The following CLPS variants were observed in gnomAD, a reference collection of about 807,000 sequenced individuals.
CLPS encodes the protein colipase, pancreatic.
A neutral mutation model predicts 9.3 loss-of-function variants in CLPS; 8 were observed. That is an observed-to-expected ratio of 0.86 (90% CI 0.51 to 1.56). The LOEUF is 1.56. Among genes scored for constraint, CLPS ranks in the 40% most tolerant of loss-of-function variants. The pLI is 0.00. For missense variants in CLPS, 144 were observed against 145.7 expected (o/e 0.99, Z 0.06); for synonymous variants, 61 against 56.2 (o/e 1.09, Z -0.39).
rs1768318876 is a variant in CLPS, at chr6:35,795,032, T to C, written c.*114A>G. On this transcript the variant is annotated 3_prime_UTR_variant, in exon 3 of 3. Transcript: ENST00000259938. Reference sequence around the variant, plus strand: ...GTGAAGAGCGCAATCAGAAAACAGATATGCTGGTCAAGGAGGTGGCCAGCC... The same window carrying C: ...GTGAAGAGCGCAATCAGAAAACAGACATGCTGGTCAAGGAGGTGGCCAGCC... 7.1e-7 allele frequency: 1 copy of C among 1,402,960 alleles called. No homozygotes were observed. Among genetic ancestry groups the C allele is most frequent in the Non-Finnish European group, 9.7e-7 (1 of 1,033,264 alleles). 86.9% of individuals were successfully genotyped at this position (1,402,960 alleles called of 1,614,324 possible).
intron 2 of CLPS, 111 bp downstream of exon 2, chr6:35,795,620 T>C: frequency 6.6e-7 from 1 of 1,518,662 alleles, no homozygotes; most frequent in Non-Finnish European, 8.9e-7. Context: ...CTCCCTCTCG[T>C]CTCCTCAACA....
At position 35,795,652 on chromosome 6, in the gene CLPS, C is replaced by T. The variant is rs879186147; in HGVS notation, c.207+79G>A. On this transcript the variant is annotated intron_variant, in intron 2 of 2. Transcript: ENST00000259938. ...AACATTCAGTGTCCAGGCTGACCCC[C>T]CTCCCTGATCCCACTCACAAGTGTT... 1.6e-5 allele frequency: 26 copies of T among 1,578,136 alleles called. No individual in the cohort carries two copies. The South Asian group carries it at 1.7e-4, about 10-fold the overall frequency.
Position 35,795,116 on chromosome 6 carries a change from T to C in CLPS, c.*30A>G. 6.2e-7 allele frequency: 1 copy of C among 1,609,584 alleles called. No homozygotes were observed. The highest frequency in any genetic ancestry group is 1.3e-5 in the African/African-American group (1 of 75,024). On this transcript the variant is annotated 3_prime_UTR_variant, in exon 3 of 3. Coordinates refer to ENST00000259938, the MANE Select transcript of CLPS (RefSeq NM_001832.4). The stretch of plus-strand genomic sequence containing the variant: ...CTGCGCCTAGTGGCCTACAGCATTC[T>C]GGGCTAGGTGTGGGAGTGGGTGGGC...
At position 35,797,279 on chromosome 6, in the gene CLPS, T is replaced by A; in HGVS notation, c.10A>T (p.Ile4Phe). Residue 4 changes from isoleucine (I) to phenylalanine (F), a missense_variant, in exon 1 of 3, where the codon ATC becomes TTC. By Grantham distance (21) the Ile-to-Phe change is conservative. Transcript: ENST00000259938. MEKILILLLVALSV... is the reference protein window; with the variant it reads MEKFLILLLVALSV... ...AGGGCGACAAGCAGGAGGATCAGGA[T>A]CTTCTCCATGGTGAGTGGGACAGCT... The A allele has an allele frequency of 6.2e-7, 1 of 1,613,834 alleles. No homozygotes were observed. The highest frequency in any genetic ancestry group is 8.5e-7 in the Non-Finnish European group (1 of 1,179,894).
rs1320580173 is a variant in CLPS at position 35,795,286 on chromosome 6, A to G, written c.208-9T>C. 1 of 1,613,442 alleles carries G rather than the reference A, an allele frequency of 6.2e-7. No individual in the cohort carries two copies. Among genetic ancestry groups the G allele is most frequent in the Admixed American group, 1.7e-5 (1 of 59,948 alleles). ...TAAATCCCATAGAGCGTCTGCAGAG[A>G]CACAGCCAATGGAGTCAAGGCTATG... On this transcript the variant is annotated splice_polypyrimidine_tract_variant and intron_variant, in intron 2 of 2. Transcript: ENST00000259938.
Position 35,795,208 on chromosome 6 carries a change from C to G in CLPS, c.277G>C (p.Val93Leu). ...GLTCEGDKTI[V>L]GSITNTNFGI... is the part of the protein sequence containing the mutation. ...AAGTTGGTGTTGGTGATGGAGCCCACGATGGTCTTGTCTCCCTCACAGGTC... is the reference window on the plus strand; with the variant it reads ...AAGTTGGTGTTGGTGATGGAGCCCAGGATGGTCTTGTCTCCCTCACAGGTC... Residue 93 changes from valine to leucine, a missense_variant, in exon 3 of 3, where the codon GTG becomes CTG. By Grantham distance (32) the Val-to-Leu change is conservative. Transcript: ENST00000259938. 6.2e-7 allele frequency: 1 copy of G among 1,614,238 alleles called. No homozygotes were observed.
In CLPS at chr6:35,795,861, G is replaced by T. The variant is rs199645253; in HGVS notation, c.85-8C>A. ...GCAGAGCTCACCGTTCTCCTGCCAG[G>T]AGCAGCCAGTCAGCCCAGGCCCCAC... On this transcript the variant is annotated splice_polypyrimidine_tract_variant and splice_region_variant and intron_variant, in intron 1 of 2. Coordinates refer to ENST00000259938, the MANE Select transcript of CLPS (RefSeq NM_001832.4). 7.4e-6 allele frequency: 12 copies of T among 1,611,784 alleles called. No individual in the cohort carries two copies. The highest frequency in any genetic ancestry group is 1.3e-5 in the African/African-American group (1 of 74,964).
At position 35,795,215 on chromosome 6, in the gene CLPS, C is replaced by A; in HGVS notation, c.270G>T (p.Lys90Asn). The A allele has an allele frequency of 6.2e-7, 1 of 1,614,258 alleles. No individual in the cohort carries two copies. Among genetic ancestry groups the A allele is most frequent in the Non-Finnish European group, 8.5e-7 (1 of 1,180,034 alleles). ...TGTTGGTGATGGAGCCCACGATGGT[C>A]TTGTCTCCCTCACAGGTCAGGCCAC... ...CERGLTCEGD[K>N]TIVGSITNTN... Residue 90 changes from lysine (K) to asparagine (N), a missense_variant, in exon 3 of 3, where the codon AAG becomes AAT. Transcript: ENST00000259938.
intron 2 of CLPS, 71 bp from the exon 3 acceptor site, chr6:35,795,348 C>T: frequency 1.3e-6 from 2 of 1,568,952 alleles, no homozygotes; most frequent in Non-Finnish European, 1.7e-6. Context: ...CCCTGCCTGA[C>T]CTAGAGAACC....
In CLPS at chr6:35,795,099, A is replaced by C. The variant is rs1224205522; in HGVS notation, c.*47T>G. On this transcript the variant is annotated 3_prime_UTR_variant, in exon 3 of 3. Coordinates refer to ENST00000259938, the MANE Select transcript of CLPS (RefSeq NM_001832.4). ...GCAGGGGAGAGATGCCCCTGCGCCT[A>C]GTGGCCTACAGCATTCTGGGCTAGG... The C allele has an allele frequency of 6.2e-7, 1 of 1,601,070 alleles. No individual in the cohort carries two copies. The highest frequency in any genetic ancestry group is 2.2e-5 in the East Asian group (1 of 44,566).
In CLPS at chr6:35,797,292, G is replaced by T; in HGVS notation, c.-4C>A. On this transcript the variant is annotated 5_prime_UTR_variant, in exon 1 of 3. Transcript: ENST00000259938. ...GGAGGATCAGGATCTTCTCCATGGT[G>T]AGTGGGACAGCTGGTGTGGGTGGCG... 1 of 1,613,638 alleles carries T rather than the reference G, an allele frequency of 6.2e-7. No individual in the cohort carries two copies. Among genetic ancestry groups the T allele is most frequent in the Non-Finnish European group, 8.5e-7 (1 of 1,179,756 alleles).
chr6:35,797,268 G>A lies in CLPS; in HGVS notation c.21C>T (p.Leu7=). The A allele has an allele frequency of 2.5e-6, 4 of 1,614,052 alleles. No homozygotes were observed. Among genetic ancestry groups the A allele is most frequent in the Non-Finnish European group, 3.4e-6 (4 of 1,179,968 alleles). The change falls in exon 1 of 3, where the codon CTC becomes CTT. Residue 7 remains leucine (L), a synonymous_variant. Coordinates refer to ENST00000259938, the MANE Select transcript of CLPS (RefSeq NM_001832.4). MEKILI[L]LLVALSVAYA... ...AGGCCACAGAGAGGGCGACAAGCAG[G>A]AGGATCAGGATCTTCTCCATGGTGA...
At chr6:35,796,808 C>A (rs1279952196) in intron 1 of CLPS, 1 of 455,616 alleles carries the variant, frequency 2.2e-6, no homozygotes, top group Non-Finnish European at 4.3e-6. Flanking sequence ...ATGGCAGGCA[C>A]CTGTAATCCC....
chr6:35,795,875 C>T (rs754589346), intron 1 of CLPS, 22 bp from the exon 2 acceptor site: 1 of 1,610,874 alleles, frequency 6.2e-7, no homozygotes, highest in Non-Finnish European at 8.5e-7. Flanking sequence ...AGCCAGTCAG[C>T]CCAGGCCCCA....
rs1365205137 is a variant in CLPS, at chr6:35,795,118, G to A, written c.*28C>T. On this transcript the variant is annotated 3_prime_UTR_variant, in exon 3 of 3. Coordinates refer to ENST00000259938, the MANE Select transcript of CLPS (RefSeq NM_001832.4). ...GCGCCTAGTGGCCTACAGCATTCTG[G>A]GCTAGGTGTGGGAGTGGGTGGGCAG... 6.2e-7 allele frequency: 1 copy of A among 1,610,428 alleles called. No individual in the cohort carries two copies.
intron 2 of CLPS, 87 bp downstream of exon 2, chr6:35,795,644 C>T (rs983382798): frequency 6.4e-7 from 1 of 1,569,692 alleles, no homozygotes; most frequent in Non-Finnish European, 8.6e-7. Context: ...AGTGTCCAGG[C>T]TGACCCCCCT....
intron 1 of CLPS, 23 bp downstream of exon 1, chr6:35,797,182 G>C (rs745617742): frequency 2.2e-5 from 35 of 1,602,952 alleles, no homozygotes; most frequent in Non-Finnish European, 2.9e-5. Flanking sequence ...CTCAGGAGGC[G>C]CCTCCCCTGA....
Position 35,795,032 on chromosome 6 carries a change from T to A in CLPS, c.*114A>T. The A allele has an allele frequency of 7.1e-7, 1 of 1,402,960 alleles. No homozygotes were observed. 86.9% of individuals were successfully genotyped at this position (1,402,960 alleles called of 1,614,324 possible). A position where few individuals can be genotyped will look rare whatever the true frequency, so the allele number is the denominator to read the frequency against. On this transcript the variant is annotated 3_prime_UTR_variant, in exon 3 of 3. Transcript: ENST00000259938. The stretch of plus-strand genomic sequence containing the variant: ...GTGAAGAGCGCAATCAGAAAACAGA[T>A]ATGCTGGTCAAGGAGGTGGCCAGCC...
chr6:35,796,129 G>A (rs1485183804), intron 1 of CLPS, among the ~76,000 whole-genome samples: 1 of 152,276 alleles, frequency 6.6e-6, no homozygotes, highest in Non-Finnish European at 1.5e-5. Context: ...GCAAGTCACT[G>A]CCTCCCAAGC....
Sources: gnomAD v4.1 joint callset for allele counts (sites outside exome capture counted in the v4.1 genomes callset) on GRCh38, gnomAD v4.1.1 for gene constraint, MANE v1.5 for transcripts, NCBI Gene and HGNC (gene_info 2026-07-23, HGNC 2026-07-21) for gene names.